Variants in CLCN6 observed in about 807,000 individuals in gnomAD.
The protein encoded by CLCN6 is Cl-/H+ antiporter 6, also known as H(+)/Cl(-) exchange transporter 6.
In CLCN6, 70 loss-of-function variants were observed where a neutral mutation model predicts 109.8. The observed-to-expected ratio is 0.64, with a 90% confidence interval of 0.53 to 0.78. The LOEUF is 0.78. Among genes scored for constraint, CLCN6 ranks in the 30% least tolerant of loss-of-function variants. The pLI is 0.00. For missense variants in CLCN6, 984 were observed against 1,142.3 expected (o/e 0.86, Z 2.00); for synonymous variants, 444 against 447.8 (o/e 0.99, Z 0.11).
chr1:11,821,101 A>T (rs1644737027), intron 5 of CLCN6, among the ~76,000 whole-genome samples: 1 of 151,214 alleles, frequency 6.6e-6, no homozygotes, highest in African/African-American at 2.4e-5. Flanking sequence ...AAAAAAAAAC[A>T]AACAAAATCA....
chr1:11,831,265 TC>T (rs1644880892), intron 13 of CLCN6, among the ~76,000 whole-genome samples: 1 of 152,158 alleles, frequency 6.6e-6, no homozygotes, highest in Non-Finnish European at 1.5e-5. Context: ...CAAGCGATTC[TC>T]CTGCCTCAGC....
At chr1:11,808,683 T>TGA (rs1644556711) in intron 2 of CLCN6, among the ~76,000 whole-genome samples, 1 of 17,540 alleles carries the variant, frequency 5.7e-5, no homozygotes, top group Non-Finnish European at 1.2e-4. Context: ...TTCCTTCATC[T>TGA]TTTTTTTTTT....
intron 13 of CLCN6, among the ~76,000 whole-genome samples, chr1:11,832,295 C>G (rs1207236858): frequency 6.6e-6 from 1 of 152,226 alleles, no homozygotes; most frequent in African/African-American, 2.4e-5. Flanking sequence ...AGAGACAAAG[C>G]CATCTGATTT....
At chr1:11,815,544 C>T (rs1231621210) in intron 2 of CLCN6, among the ~76,000 whole-genome samples, 3 of 152,118 alleles carry the variant, frequency 2.0e-5, no homozygotes, top group Non-Finnish European at 2.9e-5. Context: ...TACAGGTGCG[C>T]GCCACCATGC....
At chr1:11,832,355 T>C (rs1026050395) in intron 13 of CLCN6, among the ~76,000 whole-genome samples, 5 of 152,264 alleles carry the variant, frequency 3.3e-5, no homozygotes, top group Non-Finnish European at 7.3e-5. Flanking sequence ...CAAGAATTGC[T>C]AGGATGTTTC....
intron 2 of CLCN6, among the ~76,000 whole-genome samples, chr1:11,815,113 T>C (rs1484530189): frequency 6.6e-6 from 1 of 152,132 alleles, no homozygotes; most frequent in Non-Finnish European, 1.5e-5. Flanking sequence ...CTCATTTCCA[T>C]AGACACTAAC....
At chr1:11,812,535 C>A (rs1644612112) in intron 2 of CLCN6, among the ~76,000 whole-genome samples, 3 of 152,238 alleles carry the variant, frequency 2.0e-5, no homozygotes, top group African/African-American at 7.2e-5. Context: ...TCCCACCCCG[C>A]TAATCCTGCC....
chr1:11,812,676 G>A (rs1042951803), intron 2 of CLCN6, among the ~76,000 whole-genome samples: 4 of 145,892 alleles, frequency 2.7e-5, no homozygotes, highest in African/African-American at 1.0e-4. Context: ...GTGTGTGTGT[G>A]TGTGTGTGTG....
intron 18 of CLCN6, among the ~76,000 whole-genome samples, chr1:11,836,539 G>T (rs552212846): frequency 6.2e-4 from 95 of 152,302 alleles, no homozygotes; most frequent in African/African-American, 2.2e-3. Flanking sequence ...TGAAGGACCA[G>T]AACCATGTGC....
At chr1:11,807,034 A>G in intron 1 of CLCN6, 97 bp from the exon 2 acceptor site, 1 of 1,096,982 alleles carries the variant, frequency 9.1e-7, no homozygotes, top group South Asian at 1.3e-5. Flanking sequence ...ATGGCTCCAG[A>G]TGATTTAGAA....
At chr1:11,813,384 TA>T (rs1445237607) in intron 2 of CLCN6, among the ~76,000 whole-genome samples, 1 of 151,716 alleles carries the variant, frequency 6.6e-6, no homozygotes, top group African/African-American at 2.4e-5. Context: ...TTCTGATCAG[TA>T]AAAAAGATTT....
intron 12 of CLCN6, 132 bp from the exon 13 acceptor site, chr1:11,829,064 G>T: frequency 9.6e-7 from 1 of 1,045,444 alleles, no homozygotes; most frequent in Non-Finnish European, 1.4e-6. Context: ...CTGCACACAT[G>T]TTGACTGACC....
Position 11,839,919 on chromosome 1 carries a change from G to T in CLCN6, c.2530-224G>T, listed in dbSNP as rs192371702. 7.2e-5 allele frequency among the ~76,000 whole-genome samples: 11 copies of T among 152,328 alleles called. No homozygotes were observed. In the East Asian group the frequency reaches 2.1e-3, roughly 29 times the overall value. On this transcript the variant is annotated intron_variant, in intron 22 of 22. Transcript: ENST00000346436. ...ATGTGCCCTGTGGAAGGACATTTTA[G>T]TTCAGATGCCAGCTGGCCCAAGCCC...
chr1:11,837,904 G>A (rs198407), intron 20 of CLCN6, among the ~76,000 whole-genome samples: 19,305 of 152,044 alleles, frequency 0.13, 1,788 homozygotes, highest in African/African-American at 0.26. Flanking sequence ...TTTGGGGCCC[G>A]CCCTAATCCA....
At chr1:11,812,918 T>A (rs1255240454) in intron 2 of CLCN6, among the ~76,000 whole-genome samples, 1 of 152,078 alleles carries the variant, frequency 6.6e-6, no homozygotes, top group East Asian at 1.9e-4. Context: ...ACATTAAAAC[T>A]CATCTTACAG....
chr1:11,828,726 T>C (rs977646352), intron 12 of CLCN6, 102 bp downstream of exon 12: 8 of 1,225,094 alleles, frequency 6.5e-6, no homozygotes, highest in Non-Finnish European at 9.1e-6. Flanking sequence ...TCCACGGCTT[T>C]GATTTCTCAT....
rs528804182 is a variant in CLCN6, at chr1:11,821,922, G to GT, written c.347-772dup. Reference sequence around the variant, plus strand: ...AAGTGAACGAACCACAGAGTTGTGTGTATCAACATGGCTAATTCTCAAAGA... The same window carrying GT: ...AAGTGAACGAACCACAGAGTTGTGTGTTATCAACATGGCTAATTCTCAAAGA... On this transcript the variant is annotated intron_variant, in intron 5 of 22. Coordinates refer to ENST00000346436, the MANE Select transcript of CLCN6 (RefSeq NM_001286.5). 2.0e-3 allele frequency among the ~76,000 whole-genome samples: 309 copies of GT among 152,242 alleles called. 1 individual carries two copies. Among genetic ancestry groups the GT allele is most frequent in the African/African-American group, 7.1e-3 (296 of 41,496 alleles).
rs1644917737 is a variant in CLCN6 at position 11,834,281 on chromosome 1, T to G, written c.1572T>G (p.Ile524Met). ...TCTATTCGGGGACCTTTGCCCTGATTGGTGCAGCGGCTTTCTTGGGCGGGG... is the reference window on the plus strand; with the variant it reads ...TCTATTCGGGGACCTTTGCCCTGATGGGTGCAGCGGCTTTCTTGGGCGGGG... Reference protein sequence around the residue: ...GHIYSGTFALIGAAAFLGGVV... With the variant: ...GHIYSGTFALMGAAAFLGGVV... The change falls in exon 16 of 23, where the codon ATT (isoleucine) becomes ATG (methionine). Residue 524 changes from isoleucine to methionine, a missense_variant. Ile to Met is a conservative substitution (Grantham distance 10). Coordinates refer to ENST00000346436, the MANE Select transcript of CLCN6 (RefSeq NM_001286.5). This position sits in a 1 kb window ranked among gnomAD's most constrained non-coding sequence, Gnocchi z 4.5. The G allele has an allele frequency of 1.2e-6, 2 of 1,614,112 alleles. No homozygotes were observed. The highest frequency in any genetic ancestry group is 1.7e-5 in the Admixed American group (1 of 60,022).
Position 11,840,501 on chromosome 1 carries a change from C to G in CLCN6, c.*278C>G. ...TGTTGGCACAGGCCCACCCCTGGCT[C>G]CACCAGAGCCAGAAGCAGAGGTAGA... On this transcript the variant is annotated 3_prime_UTR_variant, in exon 23 of 23. Coordinates refer to ENST00000346436, the MANE Select transcript of CLCN6 (RefSeq NM_001286.5). The G allele has an allele frequency of 1.9e-6, 1 of 520,860 alleles. No individual in the cohort carries two copies. Among genetic ancestry groups the G allele is most frequent in the Non-Finnish European group, 3.5e-6 (1 of 286,102 alleles). 32.3% of individuals were successfully genotyped at this position (520,860 alleles called of 1,614,324 possible). A position where few individuals can be genotyped will look rare whatever the true frequency, so the allele number is the denominator to read the frequency against.
Sources: allele counts gnomAD v4.1 joint callset (sites outside exome capture counted in the v4.1 genomes callset), GRCh38; gene constraint gnomAD v4.1.1; non-coding constraint Gnocchi (gnomAD v3.1); transcripts MANE v1.5; gene names NCBI Gene and HGNC (gene_info 2026-07-23, HGNC 2026-07-21).